Variants in DTX2 observed in about 807,000 individuals in gnomAD.
DTX2 encodes the protein probable E3 ubiquitin-protein ligase DTX2.
A neutral mutation model predicts 55.3 loss-of-function variants in DTX2; 29 were observed. That is an observed-to-expected ratio of 0.52 (90% CI 0.39 to 0.71). DTX2 has a LOEUF of 0.71. Ranked by LOEUF, DTX2 falls within the 30% of genes least tolerant of loss-of-function variation. DTX2 has a pLI of 0.00. For synonymous variants in DTX2, 276 were observed against 340.4 expected (o/e 0.81, Z 2.08); for missense variants, 537 against 822.5 (o/e 0.65, Z 4.25).
intron 2 of DTX2, among the ~76,000 whole-genome samples, chr7:76,468,282 C>T (rs925441686): frequency 6.6e-6 from 1 of 151,460 alleles, no homozygotes; most frequent in African/African-American, 2.4e-5. Flanking sequence ...GTGTTGTTGG[C>T]AAAGCTAGCC....
intron 4 of DTX2, among the ~76,000 whole-genome samples, chr7:76,488,553 A>G (rs1810123849): frequency 1.2e-5 from 1 of 83,832 alleles, no homozygotes; most frequent in Non-Finnish European, 2.4e-5. Context: ...TCACTTATGG[A>G]ACCTTAGAGT....
chr7:76,504,607 C>G (rs370023447), intron 10 of DTX2, among the ~76,000 whole-genome samples, 162 bp downstream of exon 10: 189 of 152,300 alleles, frequency 1.2e-3, no homozygotes, highest in Non-Finnish European at 1.9e-3. Context: ...ACAGGGAGGG[C>G]AGCCTGGACC....
At chr7:76,476,388 G>T (rs1232644798) in intron 2 of DTX2, among the ~76,000 whole-genome samples, 2 of 144,686 alleles carry the variant, frequency 1.4e-5, no homozygotes, top group Non-Finnish European at 3.0e-5. Flanking sequence ...GTGACTCAAA[G>T]GTGCCTGTGC....
intron 2 of DTX2, among the ~76,000 whole-genome samples, chr7:76,469,394 C>CTT (rs145065555): frequency 1.7e-4 from 19 of 112,536 alleles, no homozygotes; most frequent in Admixed American, 2.1e-4. Context: ...GTGAATATTC[C>CTT]TTTTTTTTTT....
intron 4 of DTX2, among the ~76,000 whole-genome samples, chr7:76,490,329 C>A (rs1810281111): frequency 1.2e-5 from 1 of 84,488 alleles, no homozygotes; most frequent in South Asian, 4.3e-4. Context: ...CGTCCCCTCA[C>A]CCCCCCAAAA....
chr7:76,471,180 G>C (rs945395960), intron 2 of DTX2: 1 of 289,368 alleles, frequency 3.5e-6, no homozygotes, highest in African/African-American at 9.8e-5. Flanking sequence ...TTTTTTTTTT[G>C]AGACGGAGTC....
At chr7:76,475,228 T>C (rs1320250260) in intron 2 of DTX2, among the ~76,000 whole-genome samples, 1 of 151,588 alleles carries the variant, frequency 6.6e-6, no homozygotes, top group East Asian at 1.9e-4. Flanking sequence ...GAAGAATCAC[T>C]TGAACCCGGG....
intron 1 of DTX2, 149 bp downstream of exon 1, chr7:76,461,985 G>C (rs1453870348): frequency 6.7e-6 from 1 of 148,928 alleles, no homozygotes; most frequent in Non-Finnish European, 1.5e-5. Context: ...GGGACACCCG[G>C]GGGTCCCGGG....
intron 4 of DTX2, among the ~76,000 whole-genome samples, chr7:76,491,039 C>G (rs1202445231): frequency 8.4e-6 from 1 of 118,772 alleles, no homozygotes; most frequent in Non-Finnish European, 1.6e-5. Context: ...CTCTGTTGCC[C>G]AGGCTGGAGT....
In DTX2 at chr7:76,505,845, C is replaced by T. The variant is rs1419511964; in HGVS notation, c.*244C>T. Reference sequence around the variant, plus strand: ...TGCAGCTACCTCAGTGCGCAGGGCCCGTCTGTCCTCTGGGGGCTGCTTCGG... The same window carrying T: ...TGCAGCTACCTCAGTGCGCAGGGCCTGTCTGTCCTCTGGGGGCTGCTTCGG... On this transcript the variant is annotated 3_prime_UTR_variant, in exon 11 of 11. Coordinates refer to ENST00000430490, the MANE Select transcript of DTX2 (RefSeq NM_001102594.3). The surrounding 1 kb of genome is among the most constrained non-coding windows in gnomAD (Gnocchi z 4.4). 1.3e-5 allele frequency: 8 copies of T among 596,712 alleles called. No homozygotes were observed. Among genetic ancestry groups the T allele is most frequent in the South Asian group, 4.0e-5 (2 of 50,016 alleles). 37.0% of individuals were successfully genotyped at this position (596,712 alleles called of 1,614,324 possible). A position where few individuals can be genotyped will look rare whatever the true frequency, so the allele number is the denominator to read the frequency against.
At chr7:76,495,721 G>A (rs1457075454) in intron 5 of DTX2, among the ~76,000 whole-genome samples, 3 of 151,614 alleles carry the variant, frequency 2.0e-5, no homozygotes, top group Non-Finnish European at 2.9e-5. Flanking sequence ...CGTGGAACTC[G>A]TGCTGAGGGA....
chr7:76,475,252 A>G (rs1808418933), intron 2 of DTX2, among the ~76,000 whole-genome samples: 1 of 152,024 alleles, frequency 6.6e-6, no homozygotes, highest in Admixed American at 6.6e-5. Context: ...CGGAGGTTGC[A>G]GTGAGCCGAG....
Position 76,482,551 on chromosome 7 carries a change from A to G in DTX2, c.312A>G (p.Ser104=), listed in dbSNP as rs754003845. ...AVRRHLFPQH[S]APGRGVVWEW... Reference sequence around the variant, plus strand: ...GGAGACACCTGTTCCCCCAGCACTCAGCCCCTGGCCGAGGTGTCGTCTGGG... The same window carrying G: ...GGAGACACCTGTTCCCCCAGCACTCGGCCCCTGGCCGAGGTGTCGTCTGGG... The change falls in exon 4 of 11, where the codon TCA becomes TCG. Residue 104 remains serine (S), a synonymous_variant. Coordinates refer to ENST00000430490, the MANE Select transcript of DTX2 (RefSeq NM_001102594.3). 5 of 1,611,494 alleles carry G rather than the reference A, an allele frequency of 3.1e-6. No homozygotes were observed. In the Admixed American group the frequency reaches 6.7e-5, roughly 22 times the overall value.
At chr7:76,475,646 T>G (rs947325298) in intron 2 of DTX2, among the ~76,000 whole-genome samples, 1 of 151,786 alleles carries the variant, frequency 6.6e-6, no homozygotes, top group Non-Finnish European at 1.5e-5. Flanking sequence ...AAAATTGCAC[T>G]GCTGCACTCC....
intron 2 of DTX2, among the ~76,000 whole-genome samples, chr7:76,479,363 G>A (rs1808909858): frequency 9.9e-6 from 1 of 101,278 alleles, no homozygotes; most frequent in Admixed American, 1.0e-4. Flanking sequence ...GGGGTGATTC[G>A]GTGCCCATCT....
At chr7:76,483,243 C>G in intron 4 of DTX2, 96 bp downstream of exon 4, 2 of 1,404,588 alleles carry the variant, frequency 1.4e-6, no homozygotes, top group East Asian at 2.4e-5. Flanking sequence ...GCTCCTGCCC[C>G]CTAGGTGGTC....
intron 2 of DTX2, among the ~76,000 whole-genome samples, chr7:76,471,284 C>T (rs1450025067): frequency 8.2e-4 from 120 of 145,570 alleles, no homozygotes; most frequent in African/African-American, 3.0e-3. Context: ...GCCTCAGCCT[C>T]CCTAGTAGCC....
At chr7:76,475,351 T>G (rs1367917042) in intron 2 of DTX2, among the ~76,000 whole-genome samples, 4 of 150,912 alleles carry the variant, frequency 2.7e-5, no homozygotes, top group African/African-American at 9.8e-5. Flanking sequence ...CATTAAAAAG[T>G]TATATGACTA....
At chr7:76,477,902 C>G (rs1808724628) in intron 2 of DTX2, among the ~76,000 whole-genome samples, 3 of 150,176 alleles carry the variant, frequency 2.0e-5, no homozygotes, top group African/African-American at 7.4e-5. Flanking sequence ...GTCACACATA[C>G]ATGACTAAGA....
Sources: allele counts gnomAD v4.1 joint callset (sites outside exome capture counted in the v4.1 genomes callset), GRCh38; gene constraint gnomAD v4.1.1; non-coding constraint Gnocchi (gnomAD v3.1); transcripts MANE v1.5; gene names NCBI Gene and HGNC (gene_info 2026-07-23, HGNC 2026-07-21).